Variants in BAK1 observed in about 807,000 individuals in gnomAD.
BAK1 encodes BCL2 antagonist/killer 1.
In BAK1, 19 loss-of-function variants were observed where a neutral mutation model predicts 24.7. That is an observed-to-expected ratio of 0.77 (90% CI 0.54 to 1.13). BAK1 has a LOEUF of 1.13. Among genes scored for constraint, BAK1 ranks in the 50% most tolerant of loss-of-function variants. BAK1 has a pLI of 0.00. For synonymous variants in BAK1, 86 were observed against 107.3 expected, an observed-to-expected ratio of 0.80 and a Z score of 1.23; for missense variants, 194 against 279.4, an observed-to-expected ratio of 0.69 and a Z score of 2.18.
rs1051911 is a variant in BAK1, at chr6:33,575,874, C to T, written c.125G>A (p.Arg42His). The change falls in exon 3 of 6, where the codon CGC (arginine) becomes CAC (histidine). Residue 42 changes from arginine (R) to histidine (H), a missense_variant. By Grantham distance (29) the Arg-to-His change is conservative (BLOSUM62 0). Coordinates refer to ENST00000374467, the MANE Select transcript of BAK1 (RefSeq NM_001188.4). The surrounding 1 kb of genome is among the most constrained non-coding windows in gnomAD (Gnocchi z 6.3). ...EEVFRSYVFYRHQQEQEAEGV... is the reference protein window; with the variant it reads ...EEVFRSYVFYHHQQEQEAEGV... ...TTCAGCCTCCTGTTCCTGCTGATGG[C>T]GGTAAAAAACGTAGCTGCGGAAAAC... The T allele has an allele frequency of 7.4e-6, 12 of 1,614,098 alleles. 1 individual carries two copies. Among genetic ancestry groups the T allele is most frequent in the Middle Eastern group, 1.7e-4 (1 of 6,054 alleles).
Position 33,575,246 on chromosome 6 carries a change from T to C in BAK1, c.350+52A>G, listed in dbSNP as rs772427718. 1 of 1,613,030 alleles carries C rather than the reference T, an allele frequency of 6.2e-7. No homozygotes were observed. The highest frequency in any genetic ancestry group is 1.1e-5 in the South Asian group (1 of 91,016). On this transcript the variant is annotated intron_variant, in intron 4 of 5. Transcript: ENST00000374467. The surrounding 1 kb of genome is among the most constrained non-coding windows in gnomAD (Gnocchi z 6.3). Reference sequence around the variant, plus strand: ...ATCATGCAGGCAGGGTATGGTATGGTTGTGACATGACAGAGGAGTGACTGG... The same window carrying C: ...ATCATGCAGGCAGGGTATGGTATGGCTGTGACATGACAGAGGAGTGACTGG...
chr6:33,576,782 C>A (rs1762855696), intron 2 of BAK1, among the ~76,000 whole-genome samples: 1 of 152,042 alleles, frequency 6.6e-6, no homozygotes, highest in Non-Finnish European at 1.5e-5. Context: ...CTCACAGTAG[C>A]CCTGGGAGCA....
rs1046840506 is a variant in BAK1, at chr6:33,578,202, G to A, written c.-31-567C>T. 3.3e-5 allele frequency among the ~76,000 whole-genome samples: 5 copies of A among 152,218 alleles called. No individual in the cohort carries two copies. Among genetic ancestry groups the A allele is most frequent in the African/African-American group, 1.2e-4 (5 of 41,448 alleles). On this transcript the variant is annotated intron_variant, in intron 1 of 5. Coordinates refer to ENST00000374467, the MANE Select transcript of BAK1 (RefSeq NM_001188.4). The surrounding 1 kb of genome is among the most constrained non-coding windows in gnomAD (Gnocchi z 4.8). ...GGCCCTACTTCCCTCTGGCTGGCCA[G>A]AACACACCTGTTTTTTAACTCTGGG...
rs763052569 is a variant in BAK1 at position 33,575,337 on chromosome 6, G to A, written c.311C>T (p.Ala104Val). The A allele has an allele frequency of 3.1e-6, 5 of 1,614,212 alleles. No individual in the cohort carries two copies. The Admixed American group carries it at 8.3e-5, about 27-fold the overall frequency. Residue 104 changes from alanine (A) to valine (V), a missense_variant, in exon 4 of 6, where the codon GCA (alanine) becomes GTA (valine). Transcript: ENST00000374467. The surrounding 1 kb of genome is among the most constrained non-coding windows in gnomAD (Gnocchi z 6.3). The part of the protein sequence containing the change: ...QTMLQHLQPT[A>V]ENAYEYFTKI... ...GGTGAAGTACTCATAGGCATTCTCT[G>A]CCGTGGGCTGCAGGTGCTGCAACAT...
In BAK1 at chr6:33,578,669, T is replaced by C. The variant is rs1292162183; in HGVS notation, c.-31-1034A>G. 3.3e-5 allele frequency among the ~76,000 whole-genome samples: 5 copies of C among 152,096 alleles called. No homozygotes were observed. Among genetic ancestry groups the C allele is most frequent in the Non-Finnish European group, 7.4e-5 (5 of 68,010 alleles). On this transcript the variant is annotated intron_variant, in intron 1 of 5. Transcript: ENST00000374467. This position sits in a 1 kb window ranked among gnomAD's most constrained non-coding sequence, Gnocchi z 4.8. Reference sequence around the variant, plus strand: ...CTTCTGTCCCCGGCCCCAATTTTCCTCTTTGCCTGGTCCTGACCGCAGCCC... The same window carrying C: ...CTTCTGTCCCCGGCCCCAATTTTCCCCTTTGCCTGGTCCTGACCGCAGCCC...
intron 4 of BAK1, chr6:33,574,467 G>A: frequency 6.7e-7 from 1 of 1,494,020 alleles, no homozygotes; most frequent in South Asian, 1.2e-5. Flanking sequence ...AGAGAGGGCA[G>A]AGGGCAGAGC....
chr6:33,576,672 C>CAAAAAAAAAA (rs370237502), intron 2 of BAK1, among the ~76,000 whole-genome samples: 2 of 128,926 alleles, frequency 1.6e-5, no homozygotes, highest in African/African-American at 2.8e-5. Flanking sequence ...ACAAAAAAAA[C>CAAAAAAAAAA]AAAAAAAAAA....
In BAK1 at chr6:33,575,419, G is replaced by A; in HGVS notation, c.229C>T (p.Gln77Ter). The A allele has an allele frequency of 6.2e-7, 1 of 1,613,914 alleles. No homozygotes were observed. Among genetic ancestry groups the A allele is most frequent in the Non-Finnish European group, 8.5e-7 (1 of 1,180,046 alleles). The change falls in exon 4 of 6, where the codon CAG becomes TAG. Residue 77 changes from glutamine to a stop codon, truncating the protein, a stop_gained. Transcript: ENST00000374467. LOFTEE classifies it high-confidence loss of function. This position sits in a 1 kb window ranked among gnomAD's most constrained non-coding sequence, Gnocchi z 6.3. ...PSSTMGQVGR[Q>*]LAIIGDDINR... ...ATGTCGTCCCCGATGATGGCGAGCT[G>A]CCGTCCCACCTGCCCCATGGTGCTG...
In BAK1 at chr6:33,575,506, T is replaced by C; in HGVS notation, c.207-65A>G. 11 of 1,603,814 alleles carry C rather than the reference T, an allele frequency of 6.9e-6. No individual in the cohort carries two copies. Among genetic ancestry groups the C allele is most frequent in the Middle Eastern group, 2.2e-4 (1 of 4,446 alleles). On this transcript the variant is annotated intron_variant, in intron 3 of 5. Transcript: ENST00000374467. This position sits in a 1 kb window ranked among gnomAD's most constrained non-coding sequence, Gnocchi z 6.3. ...GCAGTCGGGACCAGGCCCTGGCTCA[T>C]GGCAGAGGGGTTCTGCCTGAGCTGT... is the stretch of plus-strand genomic sequence containing the variant.
At position 33,578,456 on chromosome 6, in the gene BAK1, C is replaced by T. The variant is rs544216832; in HGVS notation, c.-31-821G>A. ...AATCTCCGTGAGTCCATGTACTCAA[C>T]ACGCATGCAAGATTTCTTTTCCAGT... On this transcript the variant is annotated intron_variant, in intron 1 of 5. Transcript: ENST00000374467. The surrounding 1 kb of genome is among the most constrained non-coding windows in gnomAD (Gnocchi z 4.8). Among the ~76,000 whole-genome samples the T allele has an allele frequency of 7.9e-5, 12 of 152,210 alleles. No individual in the cohort carries two copies. The highest frequency in any genetic ancestry group is 1.6e-4 in the Non-Finnish European group (11 of 68,030).
intron 1 of BAK1, 113 bp downstream of exon 1, chr6:33,579,912 C>T (rs1762908566): frequency 6.6e-6 from 1 of 152,394 alleles, no homozygotes; most frequent in African/African-American, 2.4e-5. Context: ...CAGACCTGCC[C>T]AGGGAAGCCT....
At position 33,572,994 on chromosome 6, in the gene BAK1, T is replaced by TG. The variant is rs1762787087; in HGVS notation, c.*808dup. The stretch of plus-strand genomic sequence containing the variant: ...GCCACTCACCCAAGGCCCCCAGGGA[T>TG]GGGGGTGAGAGCCTTCACCTGTAGT... On this transcript the variant is annotated 3_prime_UTR_variant, in exon 6 of 6. Transcript: ENST00000374467. The TG allele has an allele frequency of 1.3e-5, 2 of 152,284 alleles. No individual in the cohort carries two copies. Among genetic ancestry groups the TG allele is most frequent in the South Asian group, 4.2e-4 (2 of 4,798 alleles). 9.4% of individuals were successfully genotyped at this position (152,284 alleles called of 1,614,324 possible). A position where few individuals can be genotyped will look rare whatever the true frequency, so the allele number is the denominator to read the frequency against.
chr6:33,577,392 C>T lies in BAK1; in HGVS notation c.70+143G>A. Reference sequence around the variant, plus strand: ...GCTTAACCTTGACAGCAGCTCCAGCCTCTGAGCCCGTGGGTGGGGAAGAGT... The same window carrying T: ...GCTTAACCTTGACAGCAGCTCCAGCTTCTGAGCCCGTGGGTGGGGAAGAGT... On this transcript the variant is annotated intron_variant, in intron 2 of 5. Coordinates refer to ENST00000374467, the MANE Select transcript of BAK1 (RefSeq NM_001188.4). This position sits in a 1 kb window ranked among gnomAD's most constrained non-coding sequence, Gnocchi z 4.6. 1 of 817,292 alleles carries T rather than the reference C, an allele frequency of 1.2e-6. No individual in the cohort carries two copies. Among genetic ancestry groups the T allele is most frequent in the East Asian group, 3.0e-5 (1 of 32,942 alleles). The allele number at this position is 817,292 out of a possible 1,614,324, so 50.6% of individuals were successfully genotyped here.
rs1358856165 is a variant in BAK1 at position 33,573,512 on chromosome 6, TCA to T, written c.*289_*290del. On this transcript the variant is annotated 3_prime_UTR_variant, in exon 6 of 6. Transcript: ENST00000374467. ...CCCAGTCTCTTGCCTCCCCAAGTTA[TCA>T]GTCTCCCCAGCGCCTAGCAGACAGG... is the stretch of plus-strand genomic sequence containing the variant. 1 of 410,698 alleles carries T rather than the reference TCA, an allele frequency of 2.4e-6. No individual in the cohort carries two copies. Among genetic ancestry groups the T allele is most frequent in the African/African-American group, 2.0e-5 (1 of 50,826 alleles). 25.4% of individuals were successfully genotyped at this position (410,698 alleles called of 1,614,324 possible).
chr6:33,573,735 G>A lies in BAK1; in HGVS notation c.*68C>T. 1 of 1,243,402 alleles carries A rather than the reference G, an allele frequency of 8.0e-7. No individual in the cohort carries two copies. The highest frequency in any genetic ancestry group is 1.2e-6 in the Non-Finnish European group (1 of 857,740). The allele number at this position is 1,243,402 out of a possible 1,614,324, so 77.0% of individuals were successfully genotyped here. On this transcript the variant is annotated 3_prime_UTR_variant, in exon 6 of 6. Coordinates refer to ENST00000374467, the MANE Select transcript of BAK1 (RefSeq NM_001188.4). ...GGGGGGACCCCTGCAAGGGAACAGA[G>A]AAGGCAAAGACTTCGCTTAAGTCCA...
rs1582065198 is a variant in BAK1, at chr6:33,574,608, C to T, written c.351-394G>A. 1.9e-5 allele frequency: 23 copies of T among 1,212,946 alleles called. No individual in the cohort carries two copies. In the South Asian group the frequency reaches 2.7e-4, roughly 14 times the overall value. 75.1% of individuals were successfully genotyped at this position (1,212,946 alleles called of 1,614,324 possible). A position where few individuals can be genotyped will look rare whatever the true frequency, so the allele number is the denominator to read the frequency against. ...TCATCACAGTGGTATGAAGGCTGGC[C>T]TCTAAGTTCACGGACTGGATATTTC... On this transcript the variant is annotated intron_variant, in intron 4 of 5. Coordinates refer to ENST00000374467, the MANE Select transcript of BAK1 (RefSeq NM_001188.4).
intron 4 of BAK1, chr6:33,574,449 C>A: frequency 6.7e-7 from 1 of 1,502,026 alleles, no homozygotes; most frequent in South Asian, 1.2e-5. Flanking sequence ...TCAGGTGCAA[C>A]GGGGCACAGA....
intron 1 of BAK1, among the ~76,000 whole-genome samples, chr6:33,579,510 C>T (rs5745576): frequency 6.6e-6 from 1 of 152,244 alleles, no homozygotes; most frequent in African/African-American, 2.4e-5. Context: ...CCCAGGCTTC[C>T]GAGGGGAGCA....
chr6:33,576,235 G>A (rs1281056873), intron 2 of BAK1, among the ~76,000 whole-genome samples: 1 of 151,836 alleles, frequency 6.6e-6, no homozygotes, highest in Non-Finnish European at 1.5e-5. Flanking sequence ...AGAGGCTGAG[G>A]CAGGAGAATT....
Sources: allele counts gnomAD v4.1 joint callset (sites outside exome capture counted in the v4.1 genomes callset), GRCh38; gene constraint gnomAD v4.1.1; non-coding constraint Gnocchi (gnomAD v3.1); transcripts MANE v1.5; gene names NCBI Gene and HGNC (gene_info 2026-07-23, HGNC 2026-07-21).